The following ZNF385D variants were observed in gnomAD, a reference collection of about 807,000 sequenced individuals.
The protein encoded by ZNF385D is zinc finger protein 659.
A neutral mutation model predicts 35.8 loss-of-function variants in ZNF385D; 15 were observed. The ratio of observed to expected loss-of-function variants is 0.42; its 90% confidence interval spans 0.28 to 0.64. ZNF385D has a LOEUF of 0.64. Among genes scored for constraint, ZNF385D ranks in the 30% least tolerant of loss-of-function variants. The probability of loss-of-function intolerance (pLI) is 0.23; values close to 1 mark genes in which losing one functional copy is unlikely to be tolerated. For missense variants in ZNF385D, 474 were observed against 494.6 expected, an observed-to-expected ratio of 0.96 and a Z score of 0.39; for synonymous variants, 212 against 186.8, an observed-to-expected ratio of 1.13 and a Z score of -1.10.
intron 2 of ZNF385D, among the ~76,000 whole-genome samples, chr3:21,656,159 G>A (rs1328897376): frequency 6.6e-6 from 1 of 151,956 alleles, no homozygotes; most frequent in East Asian, 1.9e-4. Context: ...TTCACTGGAT[G>A]TAGTCAGGTA....
At chr3:21,690,690 A>AT (rs1217650325) in intron 1 of ZNF385D, among the ~76,000 whole-genome samples, 3 of 152,180 alleles carry the variant, frequency 2.0e-5, no homozygotes, top group African/African-American at 4.8e-5. Context: ...TCAAAGTATG[A>AT]TCCCCAGGCC....
intron 1 of ZNF385D, among the ~76,000 whole-genome samples, chr3:21,694,736 C>G (rs867884197): frequency 1.3e-5 from 2 of 152,172 alleles, no homozygotes; most frequent in African/African-American, 2.4e-5. Context: ...ACTTAGAATG[C>G]TTCTTGTTAT....
chr3:22,096,586 T>G (rs2125614461), intron 3 of ZNF385D, among the ~76,000 whole-genome samples: 1 of 152,176 alleles, frequency 6.6e-6, no homozygotes, highest in African/African-American at 2.4e-5. Flanking sequence ...AGAAATTTTA[T>G]TCCTCCTCTA....
intron 2 of ZNF385D, among the ~76,000 whole-genome samples, chr3:22,317,510 C>A (rs7623900): frequency 0.57 from 86,574 of 151,574 alleles, 25,566 homozygotes; most frequent in African/African-American, 0.7. Context: ...GTAATAAAAC[C>A]ACCTTTGATG....
At chr3:22,092,264 T>A (rs1333642331) in intron 3 of ZNF385D, among the ~76,000 whole-genome samples, 1 of 152,182 alleles carries the variant, frequency 6.6e-6, no homozygotes, top group South Asian at 2.1e-4. Flanking sequence ...TAGAAGCTAC[T>A]AAGGGGGAAA....
chr3:21,431,673 C>A (rs1000477896), intron 5 of ZNF385D, among the ~76,000 whole-genome samples: 5 of 152,104 alleles, frequency 3.3e-5, no homozygotes, highest in African/African-American at 1.2e-4. Context: ...TTTTCATCAT[C>A]ATTTGTAGAA....
At chr3:21,938,252 A>G (rs1353695806) in intron 3 of ZNF385D, among the ~76,000 whole-genome samples, 2 of 152,186 alleles carry the variant, frequency 1.3e-5, no homozygotes, top group Non-Finnish European at 2.9e-5. Context: ...TCAGTTATGC[A>G]CAAGAACCCA....
At chr3:22,031,682 T>C (rs1698012270) in intron 3 of ZNF385D, among the ~76,000 whole-genome samples, 1 of 152,110 alleles carries the variant, frequency 6.6e-6, no homozygotes, top group African/African-American at 2.4e-5. Context: ...CTGGAGACAT[T>C]TTCCCCATTG....
chr3:21,564,085 C>G (rs1426343294), intron 3 of ZNF385D, among the ~76,000 whole-genome samples: 2 of 152,092 alleles, frequency 1.3e-5, no homozygotes, highest in African/African-American at 4.8e-5. Flanking sequence ...ACCAATACTC[C>G]TAGGACAACT....
intron 3 of ZNF385D, among the ~76,000 whole-genome samples, chr3:22,139,157 A>G (rs1704337356): frequency 6.6e-6 from 1 of 152,090 alleles, no homozygotes; most frequent in South Asian, 2.1e-4. Flanking sequence ...ACACTTTTAC[A>G]CTGTTGGTGG....
At position 21,991,683 on chromosome 3, in the gene ZNF385D, G is replaced by T. The variant is rs1695160123; in HGVS notation, c.325+177134C>A. ...AATACTTGTCCTAAGAGCCTAGGAG[G>T]TAAAGGGCAGCTGCAGAATGATTAT... On this transcript the variant is annotated intron_variant, in intron 3 of 5. Coordinates refer to the ZNF385D transcript ENST00000494108. 2.6e-5 allele frequency among the ~76,000 whole-genome samples: 4 copies of T among 152,174 alleles called. 1 individual carries two copies. The highest frequency in any genetic ancestry group is 2.6e-4 in the Admixed American group (4 of 15,280).
intron 3 of ZNF385D, among the ~76,000 whole-genome samples, chr3:21,967,582 A>C (rs1241754497): frequency 1.3e-5 from 2 of 152,198 alleles, no homozygotes; most frequent in African/African-American, 4.8e-5. Context: ...TTTTCTGCCC[A>C]TTGGCTTCTT....
At chr3:22,183,313 A>C (rs1261705569) in intron 2 of ZNF385D, among the ~76,000 whole-genome samples, 1 of 152,096 alleles carries the variant, frequency 6.6e-6, no homozygotes, top group Non-Finnish European at 1.5e-5. Flanking sequence ...TGCTCTTCTC[A>C]AGTGCTTTGA....
intron 1 of ZNF385D, among the ~76,000 whole-genome samples, chr3:21,718,448 A>G (rs1215931741): frequency 2.6e-5 from 4 of 152,346 alleles, no homozygotes; most frequent in Admixed American, 2.0e-4. Context: ...ACAAGGTATG[A>G]TAACAACGAA....
At chr3:22,161,338 T>G (rs1409077793) in intron 3 of ZNF385D, among the ~76,000 whole-genome samples, 3 of 152,112 alleles carry the variant, frequency 2.0e-5, no homozygotes, top group Non-Finnish European at 2.9e-5. Context: ...TTTTATAGAA[T>G]GTTGGGGACT....
chr3:22,245,526 C>T (rs926823005), intron 2 of ZNF385D, among the ~76,000 whole-genome samples: 1 of 150,644 alleles, frequency 6.6e-6, no homozygotes, highest in Non-Finnish European at 1.5e-5. Flanking sequence ...AAGTAGGGAG[C>T]GCATTTCCTA....
At chr3:22,097,202 T>C (rs1701679278) in intron 3 of ZNF385D, among the ~76,000 whole-genome samples, 1 of 152,124 alleles carries the variant, frequency 6.6e-6, no homozygotes, top group Non-Finnish European at 1.5e-5. Flanking sequence ...TATTGGCAAA[T>C]ATGATTATTT....
chr3:22,026,591 C>G (rs1006516280), intron 3 of ZNF385D, among the ~76,000 whole-genome samples: 2 of 152,168 alleles, frequency 1.3e-5, no homozygotes, highest in African/African-American at 4.8e-5. Flanking sequence ...TCGGACTCAT[C>G]CTGTGGTCAT....
Position 21,781,246 on chromosome 3 carries a change from G to A in ZNF385D, c.326-116218C>T, listed in dbSNP as rs182395569. 4.7e-3 allele frequency among the ~76,000 whole-genome samples: 713 copies of A among 152,116 alleles called. 1 individual carries two copies. The highest frequency in any genetic ancestry group is 7.7e-3 in the Non-Finnish European group (520 of 67,970). The stretch of plus-strand genomic sequence containing the variant: ...AGGGAAAGGAAAAGAAGGAGCTTTA[G>A]GAAAGAAAAAATAATATTTTCAGAG... On this transcript the variant is annotated intron_variant, in intron 3 of 5. Coordinates refer to the ZNF385D transcript ENST00000494108.
Sources: allele counts gnomAD v4.1 joint callset (sites outside exome capture counted in the v4.1 genomes callset), GRCh38; gene constraint gnomAD v4.1.1; transcripts MANE v1.5; gene names NCBI Gene and HGNC (gene_info 2026-07-23, HGNC 2026-07-21).